The following CFAP54 variants were observed in gnomAD, a reference collection of about 807,000 sequenced individuals.
CFAP54 encodes the protein cilia- and flagella-associated protein 54.
A neutral mutation model predicts 370.4 loss-of-function variants in CFAP54; 290 were observed. That is an observed-to-expected ratio of 0.78 (90% CI 0.71 to 0.86). The LOEUF is 0.86. Among genes scored for constraint, CFAP54 ranks in the 40% least tolerant of loss-of-function variants. The probability of loss-of-function intolerance (pLI) is 0.00; values close to 1 mark genes in which losing one functional copy is unlikely to be tolerated. For synonymous variants in CFAP54, 1,206 were observed against 1,236.5 expected, an observed-to-expected ratio of 0.98 and a Z score of 0.52; for missense variants, 3,399 against 3,528.7, an observed-to-expected ratio of 0.96 and a Z score of 0.93.
At chr12:96,586,850 C>T (rs573708273) in intron 22 of CFAP54, among the ~76,000 whole-genome samples, 49 of 152,276 alleles carry the variant, frequency 3.2e-4, no homozygotes, top group Non-Finnish European at 1.5e-5. Flanking sequence ...CTGGCTGCTA[C>T]ATTGGAAATA....
chr12:96,639,622 A>G (rs1452362506), intron 32 of CFAP54, among the ~76,000 whole-genome samples: 4 of 152,242 alleles, frequency 2.6e-5, no homozygotes, highest in Admixed American at 6.5e-5. Context: ...CAGAGAGACA[A>G]CAAAAAAGGA....
chr12:96,540,858 A>T lies in CFAP54; in HGVS notation c.1948A>T (p.Ile650Leu), dbSNP rs1166026380. The change falls in exon 14 of 68, where the codon ATA becomes TTA. Residue 650 changes from isoleucine to leucine, a missense_variant. This residue lies in a region of CFAP54 where 2,796 missense variants were observed against 2,869.7 expected (regional missense o/e 0.97). Transcript: ENST00000524981. ...TTAGTGGATTTATCTTCTGTGGCAG[A>T]TAAATGAAGTAATTCACTGCTATAA... is the stretch of plus-strand genomic sequence containing the variant. ...TNKWIYLLWQ[I>L]NEVIHCYKME... is the part of the protein sequence containing the mutation. The T allele has an allele frequency of 6.8e-7, 1 of 1,460,290 alleles. No individual in the cohort carries two copies. Among genetic ancestry groups the T allele is most frequent in the South Asian group, 1.4e-5 (1 of 69,196 alleles). The allele number at this position is 1,460,290 out of a possible 1,614,324, so 90.5% of individuals were successfully genotyped here. A position where few individuals can be genotyped will look rare whatever the true frequency, so the allele number is the denominator to read the frequency against.
intron 56 of CFAP54, among the ~76,000 whole-genome samples, chr12:96,755,666 C>CTTTTTTT (rs71758359): frequency 1.2e-4 from 11 of 88,022 alleles, no homozygotes; most frequent in African/African-American, 4.5e-4. Context: ...TTCTTTTTTC[C>CTTTTTTT]TTTTTTTTTT....
chr12:96,540,428 G>A (rs2136387494), intron 13 of CFAP54, among the ~76,000 whole-genome samples: 1 of 152,162 alleles, frequency 6.6e-6, no homozygotes, highest in African/African-American at 2.4e-5. Context: ...CACCTGATAT[G>A]GAGCCTGAAA....
chr12:96,504,582 T>G (rs1229949423), intron 3 of CFAP54, among the ~76,000 whole-genome samples: 1 of 152,178 alleles, frequency 6.6e-6, no homozygotes, highest in African/African-American at 2.4e-5. Flanking sequence ...TCCTAAGAGG[T>G]GCCTCTTTTA....
Position 96,489,934 on chromosome 12 carries a change from C to T in CFAP54, c.317+8C>T. 4 of 1,528,944 alleles carry T rather than the reference C, an allele frequency of 2.6e-6. No homozygotes were observed. The highest frequency in any genetic ancestry group is 3.5e-6 in the Non-Finnish European group (4 of 1,142,210). The allele number at this position is 1,528,944 out of a possible 1,614,324, so 94.7% of individuals were successfully genotyped here. On this transcript the variant is annotated splice_region_variant and intron_variant, in intron 1 of 67. Transcript: ENST00000524981. ...CGAATTCCGCCGGCGTTGGTAAGCG[C>T]TGGCGGGGCACTGGGGAGGGCGCCG... is the stretch of plus-strand genomic sequence containing the variant.
chr12:96,752,376 ACGC>A (rs1453796803), intron 55 of CFAP54, among the ~76,000 whole-genome samples: 1 of 152,066 alleles, frequency 6.6e-6, no homozygotes, highest in African/African-American at 2.4e-5. Flanking sequence ...TTTTCAGAGG[ACGC>A]TCAAGGCTTG....
intron 39 of CFAP54, among the ~76,000 whole-genome samples, chr12:96,667,692 G>A (rs1191064797): frequency 2.6e-5 from 4 of 152,190 alleles, no homozygotes; most frequent in African/African-American, 7.2e-5. Context: ...GGGCTGCTGC[G>A]AAGGTCTCTA....
intron 67 of CFAP54, among the ~76,000 whole-genome samples, chr12:96,863,382 C>A (rs1455185441): frequency 6.6e-6 from 1 of 152,156 alleles, no homozygotes; most frequent in Non-Finnish European, 1.5e-5. Context: ...AGAATTATGA[C>A]CACGATGCAC....
At chr12:96,851,826 T>G (rs1418712866) in intron 66 of CFAP54, among the ~76,000 whole-genome samples, 2 of 152,060 alleles carry the variant, frequency 1.3e-5, no homozygotes, top group Non-Finnish European at 2.9e-5. Flanking sequence ...TAGTCATATG[T>G]TAATAATACC....
chr12:96,543,933 A>G (rs1955607530), intron 14 of CFAP54, among the ~76,000 whole-genome samples: 1 of 152,134 alleles, frequency 6.6e-6, no homozygotes, highest in African/African-American at 2.4e-5. Context: ...TATAAGCCCC[A>G]GTGGGAAAAG....
At chr12:96,654,832 A>ATTTTTTT (rs10631171) in intron 36 of CFAP54, among the ~76,000 whole-genome samples, 10 of 132,124 alleles carry the variant, frequency 7.6e-5, no homozygotes, top group East Asian at 5.3e-4. Context: ...ATTTCACTTA[A>ATTTTTTT]TTTTTTTTTT....
At chr12:96,509,604 T>C (rs1396757549) in intron 4 of CFAP54, among the ~76,000 whole-genome samples, 2 of 151,794 alleles carry the variant, frequency 1.3e-5, no homozygotes, top group African/African-American at 4.8e-5. Context: ...TCACCTGAGG[T>C]CAGGAGTTCA....
At chr12:96,846,756 G>T (rs1008073691) in intron 66 of CFAP54, among the ~76,000 whole-genome samples, 2 of 152,148 alleles carry the variant, frequency 1.3e-5, no homozygotes, top group Admixed American at 1.3e-4. Flanking sequence ...AGGGCTGTGC[G>T]TGCAGACTGG....
rs764799732 is a variant in CFAP54 at position 96,592,520 on chromosome 12, T to C, written c.3243T>C (p.Ser1081=). 3 of 854,172 alleles carry C rather than the reference T, an allele frequency of 3.5e-6. No individual in the cohort carries two copies. In the South Asian group the frequency reaches 5.9e-5, roughly 17 times the overall value. 52.9% of individuals were successfully genotyped at this position (854,172 alleles called of 1,614,324 possible). A position where few individuals can be genotyped will look rare whatever the true frequency, so the allele number is the denominator to read the frequency against. ...RLHSDILAET[S]SILLYLFLRN... Reference sequence around the variant, plus strand: ...ATTCAGATATTTTGGCAGAGACTTCTTCAATCCTCTTGTACCTTTTTCTTA... The same window carrying C: ...ATTCAGATATTTTGGCAGAGACTTCCTCAATCCTCTTGTACCTTTTTCTTA... The change falls in exon 24 of 68, where the codon TCT becomes TCC. Residue 1081 remains serine (S), a synonymous_variant. Coordinates refer to ENST00000524981, the MANE Select transcript of CFAP54 (RefSeq NM_001306084.2).
At chr12:96,845,103 A>G (rs778383937) in intron 66 of CFAP54, among the ~76,000 whole-genome samples, 73 of 152,168 alleles carry the variant, frequency 4.8e-4, no homozygotes, top group Non-Finnish European at 8.8e-4. Flanking sequence ...TTTTTCTTAC[A>G]TTCTAGAGCA....
intron 22 of CFAP54, among the ~76,000 whole-genome samples, chr12:96,583,000 C>A (rs1956045559): frequency 1.3e-5 from 2 of 152,090 alleles, no homozygotes; most frequent in South Asian, 2.1e-4. Flanking sequence ...CAGGACAGTT[C>A]TTTTCTTTAA....
At chr12:96,594,551 T>C (rs959415146) in intron 25 of CFAP54, 105 bp downstream of exon 25, 112 of 764,758 alleles carry the variant, frequency 1.5e-4, no homozygotes, top group Non-Finnish European at 2.0e-4. Context: ...GGCAAATAGG[T>C]CAGGAATCAG....
chr12:96,512,158 G>A (rs968858360), intron 4 of CFAP54, among the ~76,000 whole-genome samples: 2 of 151,724 alleles, frequency 1.3e-5, no homozygotes, highest in African/African-American at 2.4e-5. Context: ...TGAATATAAC[G>A]TGCCCTGTTA....
Sources: allele counts gnomAD v4.1 joint callset (sites outside exome capture counted in the v4.1 genomes callset), GRCh38; gene constraint gnomAD v4.1.1; regional missense constraint gnomAD v4.1.1; transcripts MANE v1.5; gene names NCBI Gene and HGNC (gene_info 2026-07-23, HGNC 2026-07-21).